PCSK4: variants seen among roughly 807,000 people sequenced by gnomAD.
PCSK4 encodes testicular tissue protein Li 135.
In PCSK4, 64 loss-of-function variants were observed where a neutral mutation model predicts 80.3. The observed-to-expected ratio is 0.80, with a 90% CI of 0.65 to 0.98. The LOEUF (loss-of-function observed/expected upper bound fraction) is 0.98, where lower values mean the gene tolerates loss of function less well. Ranked by LOEUF, PCSK4 falls within the 50% of genes least tolerant of loss-of-function variation. The pLI is 0.00. For synonymous variants in PCSK4, 561 were observed against 487.6 expected, an observed-to-expected ratio of 1.15 and a Z score of -1.98; for missense variants, 1,213 against 1,093.6, an observed-to-expected ratio of 1.11 and a Z score of -1.54.
intron 13 of PCSK4, 109 bp downstream of exon 13, chr19:1,482,787 G>A: frequency 8.3e-7 from 1 of 1,199,570 alleles, no homozygotes; most frequent in East Asian, 2.4e-5. Context: ...TCTTGGAGAA[G>A]GCCACTGGGA....
At chr19:1,490,701 C>T, upstream of PCSK4, 1 of 288,994 alleles carries the variant, frequency 3.5e-6, no homozygotes, top group Non-Finnish European at 6.5e-6. Flanking sequence ...AGCCCGGCCT[C>T]CTGTCCGGCC....
exon 8 of PCSK4, chr19:1,486,885 AGGT>A: frequency 6.2e-7 from 1 of 1,600,090 alleles, no homozygotes; most frequent in Non-Finnish European, 8.5e-7. Flanking sequence ...CCGCTGCTGT[AGGT>A]GGTGGTGAGG....
exon 3 of PCSK4, chr19:1,488,218 C>G (rs754675272): frequency 1.9e-6 from 3 of 1,613,382 alleles, no homozygotes; most frequent in African/African-American, 2.7e-5. Context: ...ACCAGGGGTC[C>G]GTGGGCACCA....
At chr19:1,487,486 C>A (rs1467614315) in intron 6 of PCSK4, 117 bp downstream of exon 6, 2 of 1,044,216 alleles carry the variant, frequency 1.9e-6, no homozygotes, top group African/African-American at 3.2e-5. Context: ...AGTCTGGGGC[C>A]CTAGCACCAC....
chr19:1,490,116 C>T (rs752871825), intron 1 of PCSK4, 42 bp downstream of exon 1: 1 of 1,608,680 alleles, frequency 6.2e-7, no homozygotes, highest in Non-Finnish European at 8.5e-7. Flanking sequence ...TTGTTCAGTC[C>T]CCTCCAAGCC....
chr19:1,483,756 A>G lies in PCSK4; in HGVS notation c.1285T>C (p.Tyr429His), dbSNP rs781547694. 1.8e-5 allele frequency: 28 copies of G among 1,589,374 alleles called. No homozygotes were observed. The highest frequency in any genetic ancestry group is 2.3e-5 in the Non-Finnish European group (27 of 1,175,104). Residue 429 changes from tyrosine to histidine, a missense_variant, in exon 11 of 15, where the codon TAC (tyrosine) becomes CAC (histidine). Tyr to His is a moderately conservative substitution (Grantham distance 83, BLOSUM62 2). Transcript: ENST00000300954. Reference sequence around the variant, plus strand: ...CCGGCGTCCAGCAGCCCGTATCCGTAGTGATGGCTCACTGCGCGGAAGGGC... The same window carrying G: ...CCGGCGTCCAGCAGCCCGTATCCGTGGTGATGGCTCACTGCGCGGAAGGGC...
intron 6 of PCSK4, 137 bp downstream of exon 6, chr19:1,487,466 C>T: frequency 3.0e-6 from 3 of 1,002,080 alleles, no homozygotes; most frequent in Non-Finnish European, 4.4e-6. Flanking sequence ...CAGCACCCCC[C>T]AAGCCCTGGA....
exon 15 of PCSK4, chr19:1,481,896 C>T: frequency 6.3e-7 from 1 of 1,595,458 alleles, no homozygotes; most frequent in Non-Finnish European, 8.5e-7. Flanking sequence ...AGGCTCAGCA[C>T]CATGGCCGAG....
chr19:1,487,711 G>T lies in PCSK4; in HGVS notation c.594-20C>A. 6.4e-7 allele frequency: 1 copy of T among 1,551,710 alleles called. No individual in the cohort carries two copies. Among genetic ancestry groups the T allele is most frequent in the Non-Finnish European group, 8.7e-7 (1 of 1,147,096 alleles). The stretch of plus-strand genomic sequence containing the variant: ...CCGTGCCTGGTGCCAGGGCCAAGAG[G>T]GGCTCCTGTCACGGCCTCCATCCCC... On this transcript the variant is annotated intron_variant, in intron 5 of 14. Coordinates refer to ENST00000300954, the Ensembl canonical transcript of PCSK4.
chr19:1,489,753 G>C (rs2084838099), intron 2 of PCSK4, 40 bp downstream of exon 2: 1 of 1,575,876 alleles, frequency 6.3e-7, no homozygotes, highest in East Asian at 2.3e-5. Flanking sequence ...GGAGGCAGCT[G>C]AGACCCCGGG....
exon 12 of PCSK4, chr19:1,483,342 C>T: frequency 6.2e-7 from 1 of 1,610,106 alleles, no homozygotes; most frequent in Non-Finnish European, 8.5e-7. Context: ...ATCTCCAGGT[C>T]TCCGCGCCGG....
chr19:1,484,190 A>G, intron 8 of PCSK4, 63 bp from the exon 9 acceptor site: 2 of 960,084 alleles, frequency 2.1e-6, no homozygotes, highest in South Asian at 2.8e-5. Context: ...CCCTTCTTCA[A>G]AAAGTACCAA....
exon 1 of PCSK4, chr19:1,490,207 C>G (rs1024285541): frequency 3.1e-6 from 5 of 1,613,312 alleles, no homozygotes; most frequent in South Asian, 1.1e-5. Flanking sequence ...CTCGACCTCC[C>G]GGTTACCCTG....
chr19:1,481,548 C>A, exon 15 of PCSK4: 2 of 446,074 alleles, frequency 4.5e-6, no homozygotes, highest in Non-Finnish European at 7.9e-6. Flanking sequence ...GCCTCTCCCC[C>A]CAGCCCACTC....
exon 11 of PCSK4, chr19:1,483,719 T>C (rs1366133185): frequency 1.9e-6 from 3 of 1,595,480 alleles, no homozygotes; most frequent in Non-Finnish European, 2.5e-6. Flanking sequence ...GCGGGCGGTG[T>C]CCACCAGCAG....
At chr19:1,483,976 C>A (rs896578518) in intron 9 of PCSK4, 35 bp from the exon 10 acceptor site, 4 of 1,448,032 alleles carry the variant, frequency 2.8e-6, no homozygotes, top group Non-Finnish European at 3.7e-6. Context: ...GGTGAGCCGC[C>A]GGGCCGCGCC....
intron 1 of PCSK4, 42 bp from the exon 2 acceptor site, chr19:1,489,939 C>G: frequency 1.3e-6 from 2 of 1,567,032 alleles, no homozygotes; most frequent in Non-Finnish European, 1.7e-6. Context: ...GGACCCGGCT[C>G]CCCTGCTGAA....
chr19:1,487,249 C>T (rs746787733), exon 7 of PCSK4: 31 of 1,604,532 alleles, frequency 1.9e-5, no homozygotes, highest in Non-Finnish European at 2.1e-5. Context: ...GGATGTGCTG[C>T]GGCTGCAGGC....
chr19:1,490,569 TCA>T (rs766879694), upstream of PCSK4: 36 of 478,136 alleles, frequency 7.5e-5, no homozygotes, highest in Non-Finnish European at 5.1e-5. Flanking sequence ...CTCGGGAGCC[TCA>T]GTTTTCCCAT....
Sources: gnomAD v4.1 joint callset for allele counts on GRCh38, gnomAD v4.1.1 for gene constraint, MANE v1.5 for transcripts, NCBI Gene and HGNC (gene_info 2026-07-23, HGNC 2026-07-21) for gene names.